DLG2: variants seen among roughly 807,000 people sequenced by gnomAD.
DLG2 encodes the protein disks large homolog 2.
In DLG2, 45 loss-of-function variants were observed where a neutral mutation model predicts 132.5. The observed-to-expected ratio is 0.34, with a 90% CI of 0.27 to 0.44. DLG2 has a LOEUF of 0.44. Ranked by LOEUF, DLG2 falls within the 20% of genes least tolerant of loss-of-function variation. The probability of loss-of-function intolerance (pLI) is 1.00; values close to 1 mark genes in which losing one functional copy is unlikely to be tolerated. For missense variants in DLG2, 1,045 were observed against 1,196.9 expected (o/e 0.87, Z 1.87); for synonymous variants, 424 against 419.6 (o/e 1.01, Z -0.13).
Position 84,377,426 on chromosome 11 carries a change from A to G in DLG2, c.520-126135T>C, listed in dbSNP as rs997671325. Among the ~76,000 whole-genome samples the G allele has an allele frequency of 4.6e-5, 7 of 152,170 alleles. No homozygotes were observed. The South Asian group carries it at 1.5e-3, about 32-fold the overall frequency. ...ACCAACCATAAAATGACATTTTTGA[A>G]ATAATAAGGGGAATTTGACTTATAT... On this transcript the variant is annotated intron_variant, in intron 7 of 27. Transcript: ENST00000376104.
chr11:85,247,111 GT>G (rs2076173750), intron 4 of DLG2, among the ~76,000 whole-genome samples: 1 of 151,982 alleles, frequency 6.6e-6, no homozygotes. Flanking sequence ...GGAGTATTAC[GT>G]TGATCATACA....
intron 22 of DLG2, chr11:83,480,768 G>A (rs538266885): frequency 1.2e-5 from 8 of 693,920 alleles, no homozygotes; most frequent in South Asian, 2.0e-5. Context: ...TTGACTGAGT[G>A]TTTTCTTGAC....
chr11:84,350,251 G>A (rs1347648239), intron 7 of DLG2, among the ~76,000 whole-genome samples: 2 of 150,672 alleles, frequency 1.3e-5, no homozygotes, highest in South Asian at 4.2e-4. Flanking sequence ...TTTTTAACCT[G>A]AAGAGGTTAA....
intron 19 of DLG2, among the ~76,000 whole-genome samples, chr11:83,620,464 C>T (rs1347833722): frequency 6.6e-6 from 1 of 151,970 alleles, no homozygotes; most frequent in Non-Finnish European, 1.5e-5. Flanking sequence ...AAAGCATCAG[C>T]TTATCACAGA....
intron 3 of DLG2, among the ~76,000 whole-genome samples, chr11:85,343,963 T>C (rs1185323043): frequency 1.3e-5 from 2 of 152,074 alleles, no homozygotes; most frequent in African/African-American, 4.8e-5. Flanking sequence ...CAATCACAGA[T>C]TTGAAAAAGT....
intron 22 of DLG2, among the ~76,000 whole-genome samples, chr11:83,481,810 C>A (rs2093136684): frequency 6.6e-6 from 1 of 151,896 alleles, no homozygotes; most frequent in Admixed American, 6.6e-5. Flanking sequence ...TTGGGTAAGA[C>A]AGGGCTTTTT....
intron 6 of DLG2, among the ~76,000 whole-genome samples, chr11:84,676,596 C>A (rs928215138): frequency 1.3e-5 from 2 of 152,052 alleles, no homozygotes; most frequent in African/African-American, 4.8e-5. Flanking sequence ...TTCTGCCAGA[C>A]ATTCTTCTAG....
At chr11:84,853,900 G>A (rs1231610859) in intron 6 of DLG2, among the ~76,000 whole-genome samples, 1 of 152,020 alleles carries the variant, frequency 6.6e-6, no homozygotes, top group African/African-American at 2.4e-5. Flanking sequence ...TTTGATCCGA[G>A]TGGGAGTTAG....
chr11:85,364,009 G>A (rs2084353304), intron 3 of DLG2, among the ~76,000 whole-genome samples: 2 of 152,126 alleles, frequency 1.3e-5, no homozygotes, highest in Non-Finnish European at 2.9e-5. Context: ...TAGAAGATTT[G>A]TCAGAAAGTA....
rs182121943 is a variant in DLG2 at position 84,513,153 on chromosome 11, T to C, written c.519+21417A>G. ...TATCCCAGAACTTAAAGTAAAATAA[T>C]AATAAAATAAATAAATTAAAAGAAA... On this transcript the variant is annotated intron_variant, in intron 7 of 27. Transcript: ENST00000376104. Among the ~76,000 whole-genome samples, 403 of 151,780 alleles carry C rather than the reference T, an allele frequency of 2.7e-3. 2 individuals are homozygous for C. Among genetic ancestry groups the C allele is most frequent in the African/African-American group, 9.1e-3 (376 of 41,406 alleles).
intron 7 of DLG2, among the ~76,000 whole-genome samples, chr11:84,452,206 A>G (rs1264377828): frequency 5.9e-5 from 9 of 151,694 alleles, no homozygotes; most frequent in Non-Finnish European, 1.0e-4. Flanking sequence ...GACGATGAAG[A>G]CTAGGGCTAC....
At chr11:85,120,439 T>C (rs2152357107) in intron 5 of DLG2, among the ~76,000 whole-genome samples, 1 of 152,164 alleles carries the variant, frequency 6.6e-6, no homozygotes, top group Admixed American at 6.6e-5. Context: ...TCCTAAGAGA[T>C]TCAAAACAAA....
intron 11 of DLG2, among the ~76,000 whole-genome samples, chr11:83,998,658 C>T (rs2094175811): frequency 2.0e-5 from 3 of 152,134 alleles, no homozygotes; most frequent in Admixed American, 2.0e-4. Flanking sequence ...GGTCCTGAAA[C>T]TAACATAAGG....
chr11:84,714,553 C>CTTTCTTTCTCTT (rs397956960), intron 6 of DLG2, among the ~76,000 whole-genome samples: 5 of 109,202 alleles, frequency 4.6e-5, no homozygotes, highest in South Asian at 3.1e-4. Context: ...TTCTCTTTCT[C>CTTTCTTTCTCTT]TCTCTTTCTC....
intron 6 of DLG2, among the ~76,000 whole-genome samples, chr11:84,737,388 T>C (rs2063976812): frequency 6.6e-6 from 1 of 152,034 alleles, no homozygotes; most frequent in Non-Finnish European, 1.5e-5. Flanking sequence ...TATTGCCTGC[T>C]CTTCGATATT....
At chr11:83,476,323 G>A (rs897523473) in intron 22 of DLG2, among the ~76,000 whole-genome samples, 2 of 151,990 alleles carry the variant, frequency 1.3e-5, no homozygotes, top group Admixed American at 6.6e-5. Context: ...GATCATTGCC[G>A]GGATTACTGC....
chr11:84,523,017 A>C (rs2099309258), intron 7 of DLG2, among the ~76,000 whole-genome samples: 1 of 152,182 alleles, frequency 6.6e-6, no homozygotes, highest in African/African-American at 2.4e-5. Flanking sequence ...AGAGATAATA[A>C]TTTGAATAAC....
chr11:84,395,490 C>T (rs80158702), intron 7 of DLG2, among the ~76,000 whole-genome samples: 7 of 152,020 alleles, frequency 4.6e-5, no homozygotes, highest in African/African-American at 7.2e-5. Flanking sequence ...GATCTCGGCT[C>T]ACTGCAGTCT....
At chr11:83,843,211 C>A (rs2057984474) in intron 16 of DLG2, among the ~76,000 whole-genome samples, 1 of 152,302 alleles carries the variant, frequency 6.6e-6, no homozygotes, top group African/African-American at 2.4e-5. Context: ...ACCACAGCTT[C>A]TCATCCCAGG....
Sources: gnomAD v4.1 joint callset for allele counts (sites outside exome capture counted in the v4.1 genomes callset) on GRCh38, gnomAD v4.1.1 for gene constraint, MANE v1.5 for transcripts, NCBI Gene and HGNC (gene_info 2026-07-23, HGNC 2026-07-21) for gene names.